ENTPD1: variants seen among roughly 807,000 people sequenced by gnomAD.
The protein encoded by ENTPD1 is ectonucleoside triphosphate diphosphohydrolase 1, also known as ATP diphosphohydrolase.
A neutral mutation model predicts 57.0 loss-of-function variants in ENTPD1; 33 were observed. That is an observed-to-expected ratio of 0.58 (90% CI 0.44 to 0.77). ENTPD1 has a LOEUF of 0.77. Among genes scored for constraint, ENTPD1 ranks in the 30% least tolerant of loss-of-function variants. The pLI is 0.00. For synonymous variants in ENTPD1, 202 were observed against 218.8 expected (o/e 0.92, Z 0.68); for missense variants, 501 against 603.4 (o/e 0.83, Z 1.78).
At chr10:95,722,963 G>A (rs2097979215) in intron 1 of ENTPD1, among the ~76,000 whole-genome samples, 1 of 152,152 alleles carries the variant, frequency 6.6e-6, no homozygotes, top group Admixed American at 6.5e-5. Flanking sequence ...TCACAATGAG[G>A]TTTCCTCTAA....
At chr10:95,739,837 A>C (rs1465984863) in intron 1 of ENTPD1, among the ~76,000 whole-genome samples, 1 of 152,218 alleles carries the variant, frequency 6.6e-6, no homozygotes, top group African/African-American at 2.4e-5. Context: ...GACTTATGAA[A>C]TGTATTTCTT....
the ENTPD1 span, among the ~76,000 whole-genome samples, chr10:95,702,794 T>C: frequency 2.6e-5 from 4 of 152,200 alleles, no homozygotes; most frequent in African/African-American, 7.2e-5. Context: ...AACACCTGAC[T>C]TTTCTTGAAA....
intron 1 of ENTPD1, among the ~76,000 whole-genome samples, chr10:95,776,139 T>A (rs1262884653): frequency 6.6e-6 from 1 of 152,236 alleles, no homozygotes; most frequent in African/African-American, 2.4e-5. Context: ...CCCATTTACA[T>A]TTAAGGTTCA....
rs1313861611 is a variant in ENTPD1, at chr10:95,871,474, C to T, written c.*5091C>T. 3.2e-5 allele frequency: 32 copies of T among 985,242 alleles called. No individual in the cohort carries two copies. The highest frequency in any genetic ancestry group is 1.9e-4 in the South Asian group (4 of 21,286). The allele number at this position is 985,242 out of a possible 1,614,324, so 61.0% of individuals were successfully genotyped here. On this transcript the variant is annotated 3_prime_UTR_variant, in exon 10 of 10. Transcript: ENST00000371205. ...ATCTATGTATTTTTCTTATTTTATA[C>T]GTTTAGGACAATGTATAGCTAATTA...
intron 1 of ENTPD1, among the ~76,000 whole-genome samples, chr10:95,781,852 T>G (rs1566140877): frequency 6.6e-6 from 1 of 152,194 alleles, no homozygotes; most frequent in African/African-American, 2.4e-5. Flanking sequence ...GGTTTTCAGG[T>G]GCTCTCCCAC....
At chr10:95,728,574 G>A (rs181885581) in intron 1 of ENTPD1, among the ~76,000 whole-genome samples, 2 of 152,234 alleles carry the variant, frequency 1.3e-5, no homozygotes, top group Admixed American at 1.3e-4. Context: ...GGATCCCACG[G>A]TGTTATTCGA....
rs780386609 is a variant in ENTPD1, at chr10:95,866,097, A to C, written c.1327-80A>C. ...TATATTGTTTGAACTCTTCCAATGC[A>C]TGATCCAATAATTCTAAGCCCTAGG... is the stretch of plus-strand genomic sequence containing the variant. On this transcript the variant is annotated intron_variant, in intron 9 of 9. Transcript: ENST00000371205. 4.6e-4 allele frequency: 708 copies of C among 1,529,876 alleles called. 1 individual carries two copies. Among genetic ancestry groups the C allele is most frequent in the Non-Finnish European group, 4.5e-4 (503 of 1,126,116 alleles). The allele number at this position is 1,529,876 out of a possible 1,614,324, so 94.8% of individuals were successfully genotyped here. A position where few individuals can be genotyped will look rare whatever the true frequency, so the allele number is the denominator to read the frequency against.
At chr10:95,757,835 T>C (rs1011140186) in intron 1 of ENTPD1, among the ~76,000 whole-genome samples, 2 of 151,364 alleles carry the variant, frequency 1.3e-5, no homozygotes, top group Admixed American at 1.3e-4. Context: ...TGAAACCCTG[T>C]CTCTACTAAA....
upstream of ENTPD1, chr10:95,753,786 A>C (rs1405587193): frequency 2.0e-5 from 3 of 152,262 alleles, no homozygotes. Flanking sequence ...ACTTGAGGCC[A>C]GGAGTTTGAG....
In ENTPD1 at chr10:95,866,986, C is replaced by T; in HGVS notation, c.*603C>T. The T allele has an allele frequency of 5.0e-6, 5 of 994,002 alleles. No individual in the cohort carries two copies. Among genetic ancestry groups the T allele is most frequent in the Non-Finnish European group, 6.0e-6 (5 of 834,532 alleles). 61.6% of individuals were successfully genotyped at this position (994,002 alleles called of 1,614,324 possible). ...CATGCAGTCAATACAGTTCTCAATC[C>T]CACCCAAAGCAGGTATGTCAATAAA... On this transcript the variant is annotated 3_prime_UTR_variant, in exon 10 of 10. Coordinates refer to ENST00000371205, the MANE Select transcript of ENTPD1 (RefSeq NM_001776.6).
intron 2 of ENTPD1, among the ~76,000 whole-genome samples, chr10:95,828,581 A>C (rs1008879952): frequency 2.0e-5 from 3 of 152,196 alleles, no homozygotes. Context: ...TTAAAGGGTG[A>C]ATAGGGAAAG....
intron 1 of ENTPD1, among the ~76,000 whole-genome samples, chr10:95,811,749 G>C (rs1319389174): frequency 2.0e-5 from 3 of 152,134 alleles, no homozygotes; most frequent in Admixed American, 2.0e-4. Flanking sequence ...CATAGATCTA[G>C]CTCAGTCTTT....
intron 1 of ENTPD1, among the ~76,000 whole-genome samples, chr10:95,758,248 C>T (rs550692557): frequency 9.9e-5 from 15 of 152,130 alleles, no homozygotes; most frequent in East Asian, 3.9e-4. Context: ...AGTCTGGAGC[C>T]GAGCTGCCTG....
At chr10:95,819,392 G>A (rs1346457563) in intron 1 of ENTPD1, among the ~76,000 whole-genome samples, 1 of 151,988 alleles carries the variant, frequency 6.6e-6, no homozygotes, top group Non-Finnish European at 1.5e-5. Flanking sequence ...TCAAACTCCT[G>A]GACTCAAGTG....
At chr10:95,752,894 C>T (rs1272678922), upstream of ENTPD1, among the ~76,000 whole-genome samples, 2 of 152,028 alleles carry the variant, frequency 1.3e-5, no homozygotes, top group African/African-American at 4.8e-5. Context: ...GTTGTGCTGC[C>T]AATCTCAAGA....
At chr10:95,787,397 C>T (rs2098184339) in intron 1 of ENTPD1, among the ~76,000 whole-genome samples, 1 of 152,062 alleles carries the variant, frequency 6.6e-6, no homozygotes, top group South Asian at 2.1e-4. Flanking sequence ...TACAGAGCAA[C>T]AAAGTCTATT....
intron 7 of ENTPD1, among the ~76,000 whole-genome samples, chr10:95,856,111 T>C (rs1176346541): frequency 2.0e-5 from 3 of 152,226 alleles, no homozygotes; most frequent in Admixed American, 2.0e-4. Context: ...CATAATCCCA[T>C]ATTTCTGGGA....
chr10:95,789,865 T>C (rs2098196126), intron 1 of ENTPD1, among the ~76,000 whole-genome samples: 1 of 152,218 alleles, frequency 6.6e-6, no homozygotes. Flanking sequence ...AGCCACCTCC[T>C]CTTGCTATTA....
intron 1 of ENTPD1, among the ~76,000 whole-genome samples, chr10:95,741,060 CT>C (rs1202591994): frequency 1.3e-5 from 2 of 152,174 alleles, no homozygotes; most frequent in African/African-American, 4.8e-5. Flanking sequence ...AAGAAATTTT[CT>C]TTGCGTTCAT....
Sources: gnomAD v4.1 joint callset for allele counts (sites outside exome capture counted in the v4.1 genomes callset) on GRCh38, gnomAD v4.1.1 for gene constraint, MANE v1.5 for transcripts, NCBI Gene and HGNC (gene_info 2026-07-23, HGNC 2026-07-21) for gene names.